Variants in GLIPR2 observed in about 807,000 individuals in gnomAD.
The protein encoded by GLIPR2 is GLI pathogenesis related 2.
In GLIPR2, 21 loss-of-function variants were observed where a neutral mutation model predicts 20.4. The ratio of observed to expected loss-of-function variants is 1.03; its 90% confidence interval spans 0.73 to 1.48. The LOEUF is 1.48. Among genes scored for constraint, GLIPR2 ranks in the 40% most tolerant of loss-of-function variants. The pLI, the probability that GLIPR2 is intolerant of heterozygous loss-of-function variation, is 0.00. For missense variants in GLIPR2, 205 were observed against 200.1 expected, an observed-to-expected ratio of 1.02 and a Z score of -0.15; for synonymous variants, 91 against 80.5, an observed-to-expected ratio of 1.13 and a Z score of -0.70.
chr9:36,145,703 A>T (rs1825298662), intron 1 of GLIPR2, among the ~76,000 whole-genome samples: 1 of 151,738 alleles, frequency 6.6e-6, no homozygotes, highest in African/African-American at 2.4e-5. Context: ...GGATGGATGG[A>T]TGGAGGATGT....
chr9:36,153,122 CAAAAAAAAAAAAAA>C (rs755775246), intron 4 of GLIPR2, among the ~76,000 whole-genome samples: 1 of 88,438 alleles, frequency 1.1e-5, no homozygotes, highest in Admixed American at 1.3e-4. Flanking sequence ...GACTCTGTCT[CAAAAAAAAAAAAAA>C]AAAAAAGAAA....
At chr9:36,138,201 C>T (rs964179663) in intron 1 of GLIPR2, among the ~76,000 whole-genome samples, 2 of 152,040 alleles carry the variant, frequency 1.3e-5, no homozygotes, top group East Asian at 1.9e-4. Flanking sequence ...TGGAGAAAAT[C>T]CACAAATTCC....
rs113286758 is a variant in GLIPR2, at chr9:36,140,854, T to A, written c.13+4063T>A. Among the ~76,000 whole-genome samples the A allele has an allele frequency of 3.2e-3, 493 of 152,220 alleles. 1 individual carries two copies. The highest frequency in any genetic ancestry group is 0.011 in the African/African-American group (465 of 41,512). On this transcript the variant is annotated intron_variant, in intron 1 of 4. Coordinates refer to ENST00000377960, the MANE Select transcript of GLIPR2 (RefSeq NM_022343.4). ...AACACCCCAGTTTCCTCATCTGTAA[T>A]GAAGAGAGGAATCCTGTCCCGCCTT...
intron 4 of GLIPR2, among the ~76,000 whole-genome samples, chr9:36,156,574 G>A (rs1033512663): frequency 1.3e-5 from 2 of 152,076 alleles, no homozygotes; most frequent in African/African-American, 4.8e-5. Context: ...GTACCCCTTA[G>A]ACCAGGGGAC....
chr9:36,160,050 G>A (rs1825991330), intron 4 of GLIPR2, among the ~76,000 whole-genome samples: 1 of 152,146 alleles, frequency 6.6e-6, no homozygotes, highest in South Asian at 2.1e-4. Flanking sequence ...ACAAGAAGCT[G>A]TTGGTCATCA....
chr9:36,140,579 A>G (rs2132710276), intron 1 of GLIPR2, among the ~76,000 whole-genome samples: 1 of 152,060 alleles, frequency 6.6e-6, no homozygotes, highest in South Asian at 2.1e-4. Flanking sequence ...AATTACAACC[A>G]CTGTCTATGG....
chr9:36,152,262 C>T (rs1216621586), intron 4 of GLIPR2, among the ~76,000 whole-genome samples: 1 of 152,204 alleles, frequency 6.6e-6, no homozygotes, highest in Non-Finnish European at 1.5e-5. Flanking sequence ...TAACAAGCTC[C>T]TGCTATTGAT....
At chr9:36,150,839 G>T (rs755903926) in intron 3 of GLIPR2, 33 bp from the exon 4 acceptor site, 21 of 1,538,304 alleles carry the variant, frequency 1.4e-5, no homozygotes, top group Admixed American at 1.7e-5. Flanking sequence ...GGATTTTGTG[G>T]CTGAGTTTTA....
At chr9:36,160,641 A>G (rs1826016872) in intron 4 of GLIPR2, among the ~76,000 whole-genome samples, 5 of 152,210 alleles carry the variant, frequency 3.3e-5, no homozygotes, top group Admixed American at 3.3e-4. Context: ...AATGGAGAGG[A>G]GGCCACTGCA....
chr9:36,139,376 G>A lies in GLIPR2; in HGVS notation c.13+2585G>A, dbSNP rs533318366. 7.1e-4 allele frequency among the ~76,000 whole-genome samples: 108 copies of A among 152,106 alleles called. 3 individuals carry two copies. The South Asian group carries it at 0.021, about 30-fold the overall frequency. ...CCAGGCCTTTCTCCCTCATAGTCAC[G>A]TGCATTTAATTTAACTCCCCCACCC... is the stretch of plus-strand genomic sequence containing the variant. On this transcript the variant is annotated intron_variant, in intron 1 of 4. Transcript: ENST00000377960.
At chr9:36,139,661 C>T (rs1262988132) in intron 1 of GLIPR2, among the ~76,000 whole-genome samples, 1 of 152,224 alleles carries the variant, frequency 6.6e-6, no homozygotes, top group Non-Finnish European at 1.5e-5. Flanking sequence ...TTCCTCCTCA[C>T]TGCACAGGAG....
At chr9:36,156,385 TA>T (rs58467311) in intron 4 of GLIPR2, among the ~76,000 whole-genome samples, 952 of 77,670 alleles carry the variant, frequency 0.012, 5 homozygotes, top group African/African-American at 0.026. Context: ...AAGCCATGTC[TA>T]AAAAAAAAAA....
At chr9:36,156,269 G>A (rs1422947277) in intron 4 of GLIPR2, among the ~76,000 whole-genome samples, 1 of 150,962 alleles carries the variant, frequency 6.6e-6, no homozygotes, top group Non-Finnish European at 1.5e-5. Flanking sequence ...CGTGCCTGTG[G>A]TCCTGGTTAC....
chr9:36,141,901 A>C (rs1415959058), intron 1 of GLIPR2: 2 of 455,586 alleles, frequency 4.4e-6, no homozygotes, highest in Non-Finnish European at 8.8e-6. Context: ...AACTTCGAGA[A>C]CCCAGTGCAG....
At chr9:36,157,792 T>TG (rs1825903660) in intron 4 of GLIPR2, among the ~76,000 whole-genome samples, 1 of 151,542 alleles carries the variant, frequency 6.6e-6, no homozygotes, top group Non-Finnish European at 1.5e-5. Context: ...ACTTGGGCTG[T>TG]GTGTCTTTGT....
At chr9:36,159,182 G>A (rs1028700862) in intron 4 of GLIPR2, among the ~76,000 whole-genome samples, 6 of 152,350 alleles carry the variant, frequency 3.9e-5, no homozygotes, top group Admixed American at 3.3e-4. Context: ...AAGGACAAGC[G>A]AGTGAAGGAC....
At chr9:36,155,423 G>C (rs755011755) in intron 4 of GLIPR2, among the ~76,000 whole-genome samples, 79 of 152,110 alleles carry the variant, frequency 5.2e-4, no homozygotes, top group Non-Finnish European at 9.3e-4. Flanking sequence ...GGTGAATCCT[G>C]TCTTTACCAA....
rs773986332 is a variant in GLIPR2, at chr9:36,147,794, C to T, written c.22C>T (p.Gln8Ter). Residue 8 changes from glutamine (Q) to a stop codon, truncating the protein, a stop_gained, in exon 2 of 5, where the codon CAG becomes TAG. Transcript: ENST00000377960. LOFTEE classifies it high-confidence loss of function. MGKSASKQFHNEVLKAHN... is the reference protein window; with the variant it reads MGKSASK ...TTTTGCAATCATTCCAGCTTCCAAACAGTTTCATAATGAGGTCCTGAAGGC... is the reference window on the plus strand; with the variant it reads ...TTTTGCAATCATTCCAGCTTCCAAATAGTTTCATAATGAGGTCCTGAAGGC... 1 of 1,495,440 alleles carries T rather than the reference C, an allele frequency of 6.7e-7. No individual in the cohort carries two copies. The highest frequency in any genetic ancestry group is 2.3e-5 in the East Asian group (1 of 44,356). The allele number at this position is 1,495,440 out of a possible 1,614,324, so 92.6% of individuals were successfully genotyped here.
chr9:36,145,427 C>A (rs959341918), intron 1 of GLIPR2, among the ~76,000 whole-genome samples: 4 of 152,236 alleles, frequency 2.6e-5, no homozygotes, highest in Non-Finnish European at 5.9e-5. Context: ...GGCTGCCTCC[C>A]TTCCGTATGG....
Sources: gnomAD v4.1 joint callset for allele counts (sites outside exome capture counted in the v4.1 genomes callset) on GRCh38, gnomAD v4.1.1 for gene constraint, MANE v1.5 for transcripts, NCBI Gene and HGNC (gene_info 2026-07-23, HGNC 2026-07-21) for gene names.